The following COP1 variants were observed in gnomAD, a reference collection of about 807,000 sequenced individuals.
COP1 encodes E3 ubiquitin-protein ligase COP1.
In COP1, 24 loss-of-function variants were observed where a neutral mutation model predicts 101.3. The ratio of observed to expected loss-of-function variants is 0.24; its 90% CI spans 0.17 to 0.33. The LOEUF (loss-of-function observed/expected upper bound fraction) is 0.33. Among genes scored for constraint, COP1 ranks in the 10% least tolerant of loss-of-function variants. The pLI, the probability that COP1 is intolerant of heterozygous loss-of-function variation, is 1.00. For missense variants in COP1, 663 were observed against 906.2 expected (o/e 0.73, Z 3.45); for synonymous variants, 347 against 341.9 (o/e 1.01, Z -0.17).
chr1:176,039,107 A>G (rs1557978426), intron 14 of COP1, among the ~76,000 whole-genome samples: 1 of 152,202 alleles, frequency 6.6e-6, no homozygotes, highest in East Asian at 1.9e-4. Flanking sequence ...TTAATTTACG[A>G]GACTGGAGAT....
Position 176,007,662 on chromosome 1 carries a change from CA to C in COP1, c.1730-18184del, listed in dbSNP as rs1350604970. ...TCTCCCAGTTAGGCTGCTCAGGGGT[CA>C]GGGGTCAGGGACCCACTTGAGGAGG... On this transcript the variant is annotated intron_variant, in intron 15 of 19. Coordinates refer to ENST00000367669, the MANE Select transcript of COP1 (RefSeq NM_022457.7). 4.6e-5 allele frequency among the ~76,000 whole-genome samples: 7 copies of C among 152,170 alleles called. No homozygotes were observed. The East Asian group carries it at 9.7e-4, about 21-fold the overall frequency.
intron 1 of COP1, among the ~76,000 whole-genome samples, chr1:176,201,011 T>G (rs1053719584): frequency 6.6e-6 from 1 of 152,204 alleles, no homozygotes; most frequent in Non-Finnish European, 1.5e-5. Context: ...TTATTTGGTA[T>G]ACAGGTTGAA....
chr1:176,168,342 C>T (rs1695467333), intron 3 of COP1, among the ~76,000 whole-genome samples: 2 of 151,288 alleles, frequency 1.3e-5, no homozygotes, highest in Admixed American at 6.6e-5. Flanking sequence ...CAGGCGTGAG[C>T]CACCACCCCT....
chr1:176,120,049 T>A (rs945507380), intron 8 of COP1, among the ~76,000 whole-genome samples: 2 of 152,072 alleles, frequency 1.3e-5, no homozygotes, highest in African/African-American at 4.8e-5. Context: ...AACTGGAAAA[T>A]CCTGGATTAG....
Position 176,043,822 on chromosome 1 carries a change from A to G in COP1, c.1422-4T>C, listed in dbSNP as rs746978933. ...GTAACTACTCCAACTGATACAGCTG[A>G]AAGAAATACAGTTAAAAGTTACTTT... On this transcript the variant is annotated splice_polypyrimidine_tract_variant and splice_region_variant and intron_variant, in intron 12 of 19. Transcript: ENST00000367669. 1.3e-6 allele frequency: 2 copies of G among 1,490,234 alleles called. No homozygotes were observed. Among genetic ancestry groups the G allele is most frequent in the Admixed American group, 1.7e-5 (1 of 57,702 alleles). The allele number at this position is 1,490,234 out of a possible 1,614,324, so 92.3% of individuals were successfully genotyped here. A position where few individuals can be genotyped will look rare whatever the true frequency, so the allele number is the denominator to read the frequency against.
intron 3 of COP1, among the ~76,000 whole-genome samples, chr1:176,165,848 C>T (rs1695057002): frequency 6.6e-6 from 1 of 151,862 alleles, no homozygotes. Flanking sequence ...ATACCTTACA[C>T]AAGAAAAGTG....
intron 1 of COP1, among the ~76,000 whole-genome samples, chr1:176,194,538 T>C (rs1412219444): frequency 3.9e-5 from 6 of 152,074 alleles, no homozygotes; most frequent in Non-Finnish European, 7.4e-5. Flanking sequence ...CTAGGGAGGC[T>C]GAGGCAGGAG....
intron 8 of COP1, among the ~76,000 whole-genome samples, chr1:176,127,248 TTTATTA>T (rs1171593609): frequency 6.6e-6 from 1 of 152,112 alleles, no homozygotes; most frequent in Non-Finnish European, 1.5e-5. Context: ...AAACATACAA[TTTATTA>T]TTATTAATTA....
intron 1 of COP1, among the ~76,000 whole-genome samples, chr1:176,190,851 T>C (rs2102134803): frequency 6.6e-6 from 1 of 152,100 alleles, no homozygotes; most frequent in South Asian, 2.1e-4. Context: ...TTTCATAAAA[T>C]GTGTCAACTG....
chr1:176,101,138 A>G (rs1484725185), intron 9 of COP1, among the ~76,000 whole-genome samples: 1 of 152,054 alleles, frequency 6.6e-6, no homozygotes, highest in Non-Finnish European at 1.5e-5. Flanking sequence ...GAATACTCCC[A>G]CCCTGTAGCA....
At chr1:176,102,639 T>A (rs968963133) in intron 9 of COP1, among the ~76,000 whole-genome samples, 5 of 152,208 alleles carry the variant, frequency 3.3e-5, no homozygotes, top group African/African-American at 1.2e-4. Flanking sequence ...CAAACCTCCT[T>A]CTTGCCTGGG....
At chr1:176,031,972 T>C (rs144131804) in intron 14 of COP1, among the ~76,000 whole-genome samples, 1 of 152,208 alleles carries the variant, frequency 6.6e-6, no homozygotes, top group African/African-American at 2.4e-5. Context: ...TCAGTTCCAG[T>C]GTGCAAGGTT....
At chr1:176,103,862 T>G (rs116767830) in intron 9 of COP1, among the ~76,000 whole-genome samples, 1 of 152,086 alleles carries the variant, frequency 6.6e-6, no homozygotes, top group Non-Finnish European at 1.5e-5. Context: ...CCTGAGATAA[T>G]TGGTAAGATA....
chr1:176,132,252 A>C (rs72715115), intron 8 of COP1, among the ~76,000 whole-genome samples: 9 of 151,958 alleles, frequency 5.9e-5, no homozygotes, highest in Non-Finnish European at 1.0e-4. Context: ...ACACTATCCC[A>C]TAACTTTCCA....
chr1:176,079,807 G>C (rs16849543), intron 11 of COP1, among the ~76,000 whole-genome samples: 2,580 of 152,208 alleles, frequency 0.017, 70 homozygotes, highest in African/African-American at 0.058. Flanking sequence ...GGTTATGTGA[G>C]GAATTAGTCC....
At chr1:176,184,946 G>A (rs1698258995) in intron 1 of COP1, among the ~76,000 whole-genome samples, 1 of 152,026 alleles carries the variant, frequency 6.6e-6, no homozygotes, top group South Asian at 2.1e-4. Context: ...AAATCAAAAT[G>A]GTTCCAATAT....
At chr1:176,123,033 A>C (rs1239843960) in intron 8 of COP1, among the ~76,000 whole-genome samples, 2 of 152,220 alleles carry the variant, frequency 1.3e-5, no homozygotes, top group African/African-American at 2.4e-5. Context: ...AACGTGGTTT[A>C]TTTGACTAGT....
intron 9 of COP1, among the ~76,000 whole-genome samples, chr1:176,086,283 T>C (rs543580507): frequency 4.0e-5 from 6 of 148,804 alleles, no homozygotes; most frequent in East Asian, 2.0e-4. Flanking sequence ...TGGAGTGCAG[T>C]GGCACCATCT....
rs71129544 is a variant in COP1 at position 176,054,161 on chromosome 1, C to CT, written c.1278-7838dup. Among the ~76,000 whole-genome samples, 70 of 124,166 alleles carry CT rather than the reference C, an allele frequency of 5.6e-4. 1 individual carries two copies. In the East Asian group the frequency reaches 6.6e-3, roughly 12 times the overall value. The allele number at this position is 124,166 out of a possible 152,430, so 81.5% of individuals were successfully genotyped here. On this transcript the variant is annotated intron_variant, in intron 11 of 19. Coordinates refer to ENST00000367669, the MANE Select transcript of COP1 (RefSeq NM_022457.7). The stretch of plus-strand genomic sequence containing the variant: ...TCATAATCACTCTCAGCAAATTATT[C>CT]TTTTTTTTTTTTTTTTGAGATGGTG...
Sources: gnomAD v4.1 joint callset for allele counts (sites outside exome capture counted in the v4.1 genomes callset) on GRCh38, gnomAD v4.1.1 for gene constraint, MANE v1.5 for transcripts, NCBI Gene and HGNC (gene_info 2026-07-23, HGNC 2026-07-21) for gene names.